Variants in KLC1 observed in about 807,000 individuals in gnomAD.
The protein encoded by KLC1 is kinesin light chain 1, also known as kinesin 2 60/70kDa.
Under a neutral mutation model 84.2 loss-of-function variants are expected in KLC1, and 30 were observed. That is an observed-to-expected ratio of 0.36 (90% CI 0.27 to 0.48). KLC1 has a LOEUF of 0.48. Among genes scored for constraint, KLC1 ranks in the 20% least tolerant of loss-of-function variants. KLC1 has a pLI of 0.99. For synonymous variants in KLC1, 289 were observed against 293.3 expected, an observed-to-expected ratio of 0.99 and a Z score of 0.15; for missense variants, 499 against 805.4, an observed-to-expected ratio of 0.62 and a Z score of 4.60.
At chr14:103,632,350 G>T (rs565132527) in intron 1 of KLC1, among the ~76,000 whole-genome samples, 1 of 151,972 alleles carries the variant, frequency 6.6e-6, no homozygotes, top group Non-Finnish European at 1.5e-5. Context: ...CGCTTGAACC[G>T]GGAAGTGGAG....
chr14:103,660,780 G>T (rs1236768071), intron 3 of KLC1, among the ~76,000 whole-genome samples: 2 of 151,890 alleles, frequency 1.3e-5, no homozygotes, highest in Admixed American at 1.3e-4. Flanking sequence ...GGCAGAGGGA[G>T]ACCCTGTCTC....
intron 3 of KLC1, among the ~76,000 whole-genome samples, chr14:103,659,490 C>T (rs1254603630): frequency 2.6e-5 from 4 of 152,204 alleles, no homozygotes; most frequent in Admixed American, 2.6e-4. Context: ...TTAACATCAA[C>T]ACTTTACTGT....
intron 9 of KLC1, 91 bp from the exon 10 acceptor site, chr14:103,675,461 G>A: frequency 9.3e-7 from 1 of 1,074,784 alleles, no homozygotes; most frequent in Non-Finnish European, 1.4e-6. Context: ...GTGCCGACTT[G>A]ACACTCAAAG....
At chr14:103,684,904 A>G (rs939573671) in intron 13 of KLC1, 28 of 722,886 alleles carry the variant, frequency 3.9e-5, no homozygotes, top group Middle Eastern at 4.6e-4. Context: ...CCTTTTTCTC[A>G]AGAGCAGCAA....
intron 15 of KLC1, chr14:103,699,428 G>T (rs2082913844): frequency 6.2e-7 from 1 of 1,612,806 alleles, no homozygotes; most frequent in South Asian, 1.1e-5. Flanking sequence ...GGCCCCCAGG[G>T]ACTGCAGATG....
rs1030496895 is a variant in KLC1 at position 103,677,377 on chromosome 14, A to G, written c.1380-38A>G. ...TGTTGATAGTGGTTGTTCAGAGCTT[A>G]TATGTCATAGTTCTGTATGTCATGT... is the stretch of plus-strand genomic sequence containing the variant. On this transcript the variant is annotated intron_variant, in intron 11 of 16. Transcript: ENST00000334553. The G allele has an allele frequency of 4.1e-6, 5 of 1,221,158 alleles. No individual in the cohort carries two copies. In the Admixed American group the frequency reaches 6.8e-5, roughly 17 times the overall value. The allele number at this position is 1,221,158 out of a possible 1,614,324, so 75.6% of individuals were successfully genotyped here.
chr14:103,677,389 T>A lies in KLC1; in HGVS notation c.1380-26T>A, dbSNP rs890261609. The A allele has an allele frequency of 2.2e-6, 3 of 1,348,584 alleles. No individual in the cohort carries two copies. In the East Asian group the frequency reaches 6.9e-5, roughly 31 times the overall value. 83.5% of individuals were successfully genotyped at this position (1,348,584 alleles called of 1,614,324 possible). On this transcript the variant is annotated intron_variant, in intron 11 of 16. Transcript: ENST00000334553. ...TTGTTCAGAGCTTATATGTCATAGT[T>A]CTGTATGTCATGTGCTTTCTTACAG... is the stretch of plus-strand genomic sequence containing the variant.
rs2077861206 is a variant in KLC1, at chr14:103,645,674, T to TA, written c.-1-8890_-1-8889insA. ...TAAAAACCCATACAGTATGTGGCTG[T>TA]GGTAGGCAGCTGTAACAGTGGTAAA... On this transcript the variant is annotated intron_variant, in intron 1 of 16. Transcript: ENST00000334553. 7.2e-5 allele frequency among the ~76,000 whole-genome samples: 11 copies of TA among 152,158 alleles called. No individual in the cohort carries two copies. In the South Asian group the frequency reaches 2.3e-3, roughly 32 times the overall value.
At chr14:103,682,197 C>T (rs553168244) in intron 13 of KLC1, among the ~76,000 whole-genome samples, 30 of 151,872 alleles carry the variant, frequency 2.0e-4, no homozygotes, top group Non-Finnish European at 3.2e-4. Context: ...GGTGAAACCC[C>T]CTCTCTACTA....
At chr14:103,701,051 C>G in intron 16 of KLC1, 150 bp from the exon 17 acceptor site, 1 of 969,260 alleles carries the variant, frequency 1.0e-6, no homozygotes, top group South Asian at 1.6e-5. Context: ...CCCATGACCC[C>G]TCGGCCCCAG....
chr14:103,691,524 A>G (rs1418858504), intron 14 of KLC1, among the ~76,000 whole-genome samples: 4 of 130,246 alleles, frequency 3.1e-5, no homozygotes, highest in African/African-American at 1.2e-4. Context: ...GCTGGAGTGC[A>G]GTGGCGTGAT....
At chr14:103,645,348 C>T (rs1466141004) in intron 1 of KLC1, among the ~76,000 whole-genome samples, 1 of 152,188 alleles carries the variant, frequency 6.6e-6, no homozygotes, top group Admixed American at 6.5e-5. Context: ...CCTACCAGGT[C>T]TACAAACCAA....
rs144043338 is a variant in KLC1, at chr14:103,701,479, C to T, written c.*280C>T. On this transcript the variant is annotated 3_prime_UTR_variant, in exon 17 of 17. Coordinates refer to ENST00000334553, the MANE Select transcript of KLC1 (RefSeq NM_001394837.1). ...ACGGCTCCCTTCCCATGTGTAACTT[C>T]CTCACGTTGTGTGCGATAACGTATT... is the stretch of plus-strand genomic sequence containing the variant. 49 of 427,468 alleles carry T rather than the reference C, an allele frequency of 1.1e-4. 1 individual carries two copies. The highest frequency in any genetic ancestry group is 7.8e-4 in the African/African-American group (39 of 49,988). 26.5% of individuals were successfully genotyped at this position (427,468 alleles called of 1,614,324 possible).
chr14:103,677,706 C>T (rs2081016139), intron 12 of KLC1, among the ~76,000 whole-genome samples, 183 bp downstream of exon 12: 1 of 152,238 alleles, frequency 6.6e-6, no homozygotes, highest in African/African-American at 2.4e-5. Flanking sequence ...CACCTTTAAT[C>T]CCAGCACTTT....
In KLC1 at chr14:103,694,093, C is replaced by T; in HGVS notation, c.1848+1668C>T. The T allele has an allele frequency of 2.0e-6, 2 of 985,488 alleles. No homozygotes were observed. The highest frequency in any genetic ancestry group is 2.4e-6 in the Non-Finnish European group (2 of 829,166). 61.0% of individuals were successfully genotyped at this position (985,488 alleles called of 1,614,324 possible). Reference sequence around the variant, plus strand: ...AGTAAAGCCTGAAGCTTAGCGGACACTGGTCAGTGGGAAGTGAATTCCTTC... The same window carrying T: ...AGTAAAGCCTGAAGCTTAGCGGACATTGGTCAGTGGGAAGTGAATTCCTTC... On this transcript the variant is annotated intron_variant, in intron 15 of 16. Coordinates refer to ENST00000334553, the MANE Select transcript of KLC1 (RefSeq NM_001394837.1). This position sits in a 1 kb window ranked among gnomAD's most constrained non-coding sequence, Gnocchi z 4.5.
chr14:103,663,111 G>A (rs560697946), intron 5 of KLC1, among the ~76,000 whole-genome samples, 184 bp downstream of exon 5: 8 of 148,150 alleles, frequency 5.4e-5, no homozygotes, highest in Admixed American at 1.4e-4. Flanking sequence ...ACGGAGTCTC[G>A]TTCTGTCACC....
Position 103,693,212 on chromosome 14 carries a change from G to A in KLC1, c.1848+787G>A, listed in dbSNP as rs907924107. Reference sequence around the variant, plus strand: ...CACAGACAGGCCAGTGCCCCGACCTGTCCCCCAACACTCTTGGGAGGCAGC... The same window carrying A: ...CACAGACAGGCCAGTGCCCCGACCTATCCCCCAACACTCTTGGGAGGCAGC... On this transcript the variant is annotated intron_variant, in intron 15 of 16. Transcript: ENST00000334553. This position sits in a 1 kb window ranked among gnomAD's most constrained non-coding sequence, Gnocchi z 5.1. Among the ~76,000 whole-genome samples, 1 of 151,758 alleles carries A rather than the reference G, an allele frequency of 6.6e-6. No homozygotes were observed. Among genetic ancestry groups the A allele is most frequent in the Non-Finnish European group, 1.5e-5 (1 of 67,974 alleles).
rs556834228 is a variant in KLC1 at position 103,653,415 on chromosome 14, G to A, written c.-1-1149G>A. ...TGGCTCACTGCAACCTCTGCCTCCC[G>A]GGCTCAAGTGATTCTCGTGCCTCAG... On this transcript the variant is annotated intron_variant, in intron 1 of 16. Coordinates refer to ENST00000334553, the MANE Select transcript of KLC1 (RefSeq NM_001394837.1). Among the ~76,000 whole-genome samples, 116 of 152,210 alleles carry A rather than the reference G, an allele frequency of 7.6e-4. 1 individual carries two copies. The highest frequency in any genetic ancestry group is 2.7e-3 in the African/African-American group (112 of 41,518).
At chr14:103,699,656 C>T (rs1360801072) in intron 15 of KLC1, 12 of 1,461,896 alleles carry the variant, frequency 8.2e-6, no homozygotes, top group Middle Eastern at 1.8e-4. Context: ...GACTGTCACT[C>T]GACCGTCTGA....
Sources: allele counts gnomAD v4.1 joint callset (sites outside exome capture counted in the v4.1 genomes callset), GRCh38; gene constraint gnomAD v4.1.1; non-coding constraint Gnocchi (gnomAD v3.1); transcripts MANE v1.5; gene names NCBI Gene and HGNC (gene_info 2026-07-23, HGNC 2026-07-21).